Variants in DENND1B observed in about 807,000 individuals in gnomAD.
DENND1B encodes DENN domain containing 1B.
A neutral mutation model predicts 90.1 loss-of-function variants in DENND1B; 59 were observed. That is an observed-to-expected ratio of 0.65 (90% CI 0.53 to 0.81). The LOEUF is 0.81. Among genes scored for constraint, DENND1B ranks in the 40% least tolerant of loss-of-function variants. DENND1B has a pLI of 0.00. For synonymous variants in DENND1B, 337 were observed against 324.6 expected, an observed-to-expected ratio of 1.04 and a Z score of -0.41; for missense variants, 862 against 912.6, an observed-to-expected ratio of 0.94 and a Z score of 0.71.
At chr1:197,621,956 T>C (rs1678209948) in intron 10 of DENND1B, among the ~76,000 whole-genome samples, 1 of 151,470 alleles carries the variant, frequency 6.6e-6, no homozygotes, top group African/African-American at 2.4e-5. Flanking sequence ...TCCAAAGAGC[T>C]GACTAATGCA....
At chr1:197,653,949 T>C (rs912358239) in intron 6 of DENND1B, among the ~76,000 whole-genome samples, 3 of 152,106 alleles carry the variant, frequency 2.0e-5, no homozygotes, top group African/African-American at 7.2e-5. Context: ...AAAAAATAAA[T>C]AGTAGTATTT....
At chr1:197,531,022 C>G (rs1669574068) in intron 20 of DENND1B, among the ~76,000 whole-genome samples, 1 of 152,128 alleles carries the variant, frequency 6.6e-6, no homozygotes, top group African/African-American at 2.4e-5. Flanking sequence ...ATCAGTCTGC[C>G]TGCTTTTTAA....
intron 3 of DENND1B, among the ~76,000 whole-genome samples, chr1:197,679,804 GGTT>G (rs1656473625): frequency 7.3e-6 from 1 of 137,798 alleles, no homozygotes. Flanking sequence ...GGTTTCCAAG[GGTT>G]GTTTTTTTTT....
At chr1:197,777,259 C>T (rs991589402), upstream of DENND1B, among the ~76,000 whole-genome samples, 4 of 152,140 alleles carry the variant, frequency 2.6e-5, no homozygotes, top group African/African-American at 9.7e-5. Context: ...GATAATAATA[C>T]AATTGTTTTC....
chr1:197,659,507 C>G (rs1654193972), intron 5 of DENND1B, among the ~76,000 whole-genome samples: 1 of 151,876 alleles, frequency 6.6e-6, no homozygotes, highest in African/African-American at 2.4e-5. Context: ...CTACCCAACT[C>G]TGGTTAAATC....
At chr1:197,723,038 C>A (rs536265347) in intron 2 of DENND1B, among the ~76,000 whole-genome samples, 68 of 152,188 alleles carry the variant, frequency 4.5e-4, no homozygotes, top group South Asian at 3.7e-3. Context: ...TAATTCTAAC[C>A]TTTCTAAATA....
chr1:197,595,464 C>CT (rs756297238), intron 13 of DENND1B, 131 bp from the exon 14 acceptor site: 84 of 1,137,208 alleles, frequency 7.4e-5, no homozygotes, highest in Non-Finnish European at 9.8e-5. Flanking sequence ...GATAGCTTAT[C>CT]TTTTTAACTG....
intron 2 of DENND1B, among the ~76,000 whole-genome samples, chr1:197,725,147 A>G (rs961173927): frequency 2.6e-5 from 4 of 152,156 alleles, no homozygotes; most frequent in South Asian, 2.1e-4. Flanking sequence ...CTCAAGACAG[A>G]CATGACTAGA....
chr1:197,735,824 A>C, intron 2 of DENND1B: 1 of 1,607,620 alleles, frequency 6.2e-7, no homozygotes, highest in Non-Finnish European at 8.5e-7. Context: ...AAAAGGGACA[A>C]TTGGAAGAAA....
At chr1:197,601,449 G>GA (rs1429674957) in intron 13 of DENND1B, among the ~76,000 whole-genome samples, 1 of 151,316 alleles carries the variant, frequency 6.6e-6, no homozygotes, top group Non-Finnish European at 1.5e-5. Context: ...CTTGGATATG[G>GA]AAAAATCAAG....
At chr1:197,676,305 A>G (rs1030374702) in intron 3 of DENND1B, among the ~76,000 whole-genome samples, 15 of 152,148 alleles carry the variant, frequency 9.9e-5, no homozygotes, top group Non-Finnish European at 2.2e-4. Context: ...ATGCATGCAA[A>G]TAGCTTTTAT....
Position 197,573,702 on chromosome 1 carries a change from A to G in DENND1B, c.1149+9450T>C, listed in dbSNP as rs139253081. ...ACAAACATTGATGCGAAAATCCTCA[A>G]TAAAATACTGGCAAACTGAATCCAG... On this transcript the variant is annotated intron_variant, in intron 15 of 22. Transcript: ENST00000620048. 5.3e-5 allele frequency among the ~76,000 whole-genome samples: 8 copies of G among 152,364 alleles called. No homozygotes were observed. In the East Asian group the frequency reaches 1.5e-3, roughly 29 times the overall value.
intron 5 of DENND1B, among the ~76,000 whole-genome samples, chr1:197,668,120 T>C (rs757568184): frequency 3.3e-5 from 5 of 152,198 alleles, no homozygotes; most frequent in Non-Finnish European, 5.9e-5. Flanking sequence ...TCTACAAATA[T>C]AACAACATAC....
At chr1:197,702,404 C>CGT (rs1659126755) in intron 3 of DENND1B, among the ~76,000 whole-genome samples, 1 of 152,068 alleles carries the variant, frequency 6.6e-6, no homozygotes, top group South Asian at 2.1e-4. Context: ...AACTATGACA[C>CGT]GTTAAGGTTA....
At chr1:197,576,668 G>A (rs1316806692) in intron 15 of DENND1B, among the ~76,000 whole-genome samples, 2 of 152,072 alleles carry the variant, frequency 1.3e-5, no homozygotes, top group Admixed American at 1.3e-4. Flanking sequence ...CTGTCAGTGG[G>A]CTTCTACAGC....
intron 15 of DENND1B, among the ~76,000 whole-genome samples, chr1:197,568,004 GGGAAGGAA>G (rs539486255): frequency 6.6e-6 from 1 of 150,756 alleles, no homozygotes. Flanking sequence ...AGGGGAGGGA[GGGAAGGAA>G]GGAAGGAAGG....
rs568562712 is a variant in DENND1B at position 197,544,780 on chromosome 1, GGAA to G, written c.1350+1139_1350+1141del. Among the ~76,000 whole-genome samples, 565 of 128,818 alleles carry G rather than the reference GGAA, an allele frequency of 4.4e-3. 4 individuals carry two copies. The highest frequency in any genetic ancestry group is 0.014 in the African/African-American group (529 of 36,686). The allele number at this position is 128,818 out of a possible 152,430, so 84.5% of individuals were successfully genotyped here. On this transcript the variant is annotated intron_variant, in intron 18 of 22. Coordinates refer to ENST00000620048, the MANE Select transcript of DENND1B (RefSeq NM_001195215.2). The stretch of plus-strand genomic sequence containing the variant: ...AAGAAGAGGAAGAGGACGAGGAGGA[GGAA>G]GAAGAAGAAGAGGAGGAAGAAGAAG...
intron 15 of DENND1B, among the ~76,000 whole-genome samples, chr1:197,561,629 T>C (rs944834081): frequency 3.3e-5 from 5 of 151,806 alleles, no homozygotes; most frequent in Admixed American, 2.6e-4. Context: ...ACTTACCTAA[T>C]CAATATCCTG....
chr1:197,550,218 T>G (rs1455467506), intron 16 of DENND1B, among the ~76,000 whole-genome samples: 1 of 152,132 alleles, frequency 6.6e-6, no homozygotes, highest in Non-Finnish European at 1.5e-5. Context: ...ATGAGAATTT[T>G]GCTTTGATTC....
Sources: allele counts gnomAD v4.1 joint callset (sites outside exome capture counted in the v4.1 genomes callset), GRCh38; gene constraint gnomAD v4.1.1; transcripts MANE v1.5; gene names NCBI Gene and HGNC (gene_info 2026-07-23, HGNC 2026-07-21).